MACF1: variants seen among roughly 807,000 people sequenced by gnomAD.
The protein encoded by MACF1 is microtubule actin crosslinking factor 1.
A neutral mutation model predicts 854.8 loss-of-function variants in MACF1; 193 were observed. The observed-to-expected ratio is 0.23, with a 90% CI of 0.20 to 0.25. MACF1 has a LOEUF of 0.25. Among genes scored for constraint, MACF1 ranks in the 10% least tolerant of loss-of-function variants. MACF1 has a pLI of 1.00. For synonymous variants in MACF1, 3,185 were observed against 3,226.7 expected, an observed-to-expected ratio of 0.99 and a Z score of 0.44; for missense variants, 7,722 against 8,929.1, an observed-to-expected ratio of 0.86 and a Z score of 5.45.
At position 39,101,812 on chromosome 1, in the gene MACF1, G is replaced by A. The variant is rs554814058; in HGVS notation, c.220+17374G>A. Among the ~76,000 whole-genome samples the A allele has an allele frequency of 2.0e-5, 3 of 146,460 alleles. No homozygotes were observed. In the East Asian group the frequency reaches 6.5e-4, roughly 31 times the overall value. ...GCACTCCAGCCTGGGTGGTGACAGA[G>A]CGAGACTCCATCTCAAAAAAGAAAG... On this transcript the variant is annotated intron_variant, in intron 2 of 93. Coordinates refer to the MACF1 transcript ENST00000361689.
intron 6 of MACF1, among the ~76,000 whole-genome samples, chr1:39,270,989 A>G (rs932652934): frequency 6.6e-6 from 1 of 152,180 alleles, no homozygotes; most frequent in African/African-American, 2.4e-5. Flanking sequence ...TTGAAAAAAT[A>G]TCTATTTTAT....
intron 26 of MACF1, among the ~76,000 whole-genome samples, chr1:39,312,857 A>G (rs1358756885): frequency 6.6e-6 from 1 of 152,132 alleles, no homozygotes; most frequent in Non-Finnish European, 1.5e-5. Context: ...AAACATTGAT[A>G]TAATACTGCT....
In MACF1 at chr1:39,161,952, A is replaced by G. The variant is rs140496121; in HGVS notation, c.221-69230A>G. Among the ~76,000 whole-genome samples the G allele has an allele frequency of 8.4e-4, 127 of 151,104 alleles. 4 individuals are homozygous for G. In the East Asian group the frequency reaches 0.02, roughly 23 times the overall value. ...TGCGCCTATAGTTTCAGTTTCAGCTACTCAGGAGGCTGAGGTGGGAGGATT... is the reference window on the plus strand; with the variant it reads ...TGCGCCTATAGTTTCAGTTTCAGCTGCTCAGGAGGCTGAGGTGGGAGGATT... On this transcript the variant is annotated intron_variant, in intron 2 of 93. Coordinates refer to the MACF1 transcript ENST00000361689.
chr1:39,278,444 A>G (rs1222331877), intron 6 of MACF1, among the ~76,000 whole-genome samples: 1 of 152,218 alleles, frequency 6.6e-6, no homozygotes, highest in East Asian at 1.9e-4. Context: ...TCATTGAAGT[A>G]GTTTTAGTGC....
At chr1:39,217,950 G>A (rs1167211063) in intron 1 of MACF1, among the ~76,000 whole-genome samples, 1 of 151,370 alleles carries the variant, frequency 6.6e-6, no homozygotes, top group Admixed American at 6.6e-5. Context: ...TTGGGAGGCC[G>A]AGGCGGGCGG....
At chr1:39,325,448 T>C (rs927312626) in intron 35 of MACF1, among the ~76,000 whole-genome samples, 4 of 152,146 alleles carry the variant, frequency 2.6e-5, no homozygotes, top group African/African-American at 9.7e-5. Context: ...AACTGCTCTT[T>C]CAAGAAGCCA....
chr1:39,443,052 C>G lies in MACF1; in HGVS notation c.19302+141C>G, dbSNP rs1332712324. 3 of 776,186 alleles carry G rather than the reference C, an allele frequency of 3.9e-6. No individual in the cohort carries two copies. In the South Asian group the frequency reaches 5.6e-5, roughly 14 times the overall value. 48.1% of individuals were successfully genotyped at this position (776,186 alleles called of 1,614,324 possible). On this transcript the variant is annotated intron_variant, in intron 78 of 100. Coordinates refer to ENST00000564288, the MANE Select transcript of MACF1 (RefSeq NM_001394062.1). ...AGGTTAATACTGTGCTGTAACTTATCTAGAAAGAGCAGCTTTTGATTGGGT... is the reference window on the plus strand; with the variant it reads ...AGGTTAATACTGTGCTGTAACTTATGTAGAAAGAGCAGCTTTTGATTGGGT...
intron 70 of MACF1, among the ~76,000 whole-genome samples, chr1:39,437,078 G>A (rs1209646878): frequency 1.3e-5 from 2 of 152,144 alleles, no homozygotes; most frequent in African/African-American, 4.8e-5. Context: ...CTAGTCTGTT[G>A]CATGCAACTG....
chr1:39,268,534 G>C (rs1645262933), intron 6 of MACF1: 1 of 1,159,088 alleles, frequency 8.6e-7, no homozygotes, highest in South Asian at 1.8e-5. Flanking sequence ...GCGGCTGGAA[G>C]AGACAGAGAG....
chr1:39,199,454 C>T (rs539306049), intron 2 of MACF1, among the ~76,000 whole-genome samples: 1 of 151,998 alleles, frequency 6.6e-6, no homozygotes, highest in South Asian at 2.1e-4. Context: ...CCAACCTGGG[C>T]TGTAACATAG....
chr1:39,176,542 T>C (rs919722363), intron 2 of MACF1, among the ~76,000 whole-genome samples: 9 of 152,212 alleles, frequency 5.9e-5, no homozygotes, highest in Admixed American at 3.3e-4. Context: ...CATATGAGGC[T>C]CTTTCCTTCT....
intron 2 of MACF1, among the ~76,000 whole-genome samples, chr1:39,177,506 T>G (rs1644046342): frequency 6.6e-6 from 1 of 152,130 alleles, no homozygotes; most frequent in African/African-American, 2.4e-5. Context: ...CTGTCATCAT[T>G]TTGCTGTGCA....
chr1:39,208,700 C>A (rs1292887119), intron 1 of MACF1, among the ~76,000 whole-genome samples: 2 of 152,168 alleles, frequency 1.3e-5, no homozygotes, highest in East Asian at 3.9e-4. Context: ...TCTCAGCTCA[C>A]TGCAACCCCC....
In MACF1 at chr1:39,422,807, C is replaced by G. The variant is rs139439033; in HGVS notation, c.16056C>G (p.Leu5352=). The part of the protein sequence containing the change: ...GKFQDALEPL[L]SWLADTEELI... The stretch of plus-strand genomic sequence containing the variant: ...TTCAAGATGCCTTGGAGCCATTGCT[C>G]AGCTGGTTGGCAGATACCGAGGAGC... The change falls in exon 60 of 101, where the codon CTC becomes CTG. Residue 5352 remains leucine (L), a synonymous_variant. Transcript: ENST00000564288. 41 of 1,614,046 alleles carry G rather than the reference C, an allele frequency of 2.5e-5. No individual in the cohort carries two copies. The highest frequency in any genetic ancestry group is 3.3e-5 in the Non-Finnish European group (39 of 1,180,030).
chr1:39,237,737 A>G (rs1447284538), intron 2 of MACF1, among the ~76,000 whole-genome samples: 1 of 151,534 alleles, frequency 6.6e-6, no homozygotes, highest in Non-Finnish European at 1.5e-5. Context: ...TTTTTAGACA[A>G]TACTGATATT....
intron 26 of MACF1, among the ~76,000 whole-genome samples, chr1:39,313,589 C>T (rs1185091011): frequency 6.6e-6 from 1 of 150,898 alleles, no homozygotes; most frequent in African/African-American, 2.4e-5. Flanking sequence ...TTGCTTTCTT[C>T]TTTCATTATT....
At chr1:39,341,555 G>A (rs901264688) in intron 40 of MACF1, among the ~76,000 whole-genome samples, 5 of 151,540 alleles carry the variant, frequency 3.3e-5, no homozygotes, top group East Asian at 2.0e-4. Flanking sequence ...AAAATTAGCC[G>A]GGCGGTGTGG....
In MACF1 at chr1:39,331,191, T is replaced by C. The variant is rs762605009; in HGVS notation, c.4615-12T>C. Reference sequence around the variant, plus strand: ...CTTTTCCTTTTTTTTTTTTTTTTTTTTTTTTTTTTAGGAATGCAGAGCAGT... The same window carrying C: ...CTTTTCCTTTTTTTTTTTTTTTTTTCTTTTTTTTTAGGAATGCAGAGCAGT... On this transcript the variant is annotated splice_polypyrimidine_tract_variant and intron_variant, in intron 36 of 100. Transcript: ENST00000564288. The C allele has an allele frequency of 1.9e-6, 2 of 1,025,644 alleles. No homozygotes were observed. Among genetic ancestry groups the C allele is most frequent in the African/African-American group, 2.0e-5 (1 of 49,372 alleles). The allele number at this position is 1,025,644 out of a possible 1,614,324, so 63.5% of individuals were successfully genotyped here.
chr1:39,122,341 G>T (rs1325716781), intron 2 of MACF1, among the ~76,000 whole-genome samples: 3 of 149,112 alleles, frequency 2.0e-5, no homozygotes, highest in Non-Finnish European at 1.5e-5. Flanking sequence ...TACAACCTCT[G>T]CCTCCTGGAT....
Sources: gnomAD v4.1 joint callset for allele counts (sites outside exome capture counted in the v4.1 genomes callset) on GRCh38, gnomAD v4.1.1 for gene constraint, MANE v1.5 for transcripts, NCBI Gene and HGNC (gene_info 2026-07-23, HGNC 2026-07-21) for gene names.